The following EPHA6 variants were observed in gnomAD, a reference collection of about 807,000 sequenced individuals.
EPHA6 encodes the protein EPH receptor A6.
A neutral mutation model predicts 112.0 loss-of-function variants in EPHA6; 50 were observed. The ratio of observed to expected loss-of-function variants is 0.45; its 90% confidence interval spans 0.36 to 0.56. EPHA6 has a LOEUF of 0.56. EPHA6 is among the 20% of genes least tolerant of loss of function. The pLI, the probability that EPHA6 is intolerant of heterozygous loss-of-function variation, is 0.00. For synonymous variants in EPHA6, 529 were observed against 490.7 expected (o/e 1.08, Z -1.03); for missense variants, 1,280 against 1,417.4 (o/e 0.90, Z 1.56).
chr3:97,288,351 C>A (rs891817248), intron 5 of EPHA6, among the ~76,000 whole-genome samples: 7 of 152,192 alleles, frequency 4.6e-5, no homozygotes, highest in African/African-American at 1.7e-4. Flanking sequence ...ATTTTCCTTT[C>A]CTGTGTAAAT....
At chr3:97,152,999 C>T (rs574275214) in intron 3 of EPHA6, among the ~76,000 whole-genome samples, 28 of 152,194 alleles carry the variant, frequency 1.8e-4, no homozygotes, top group African/African-American at 6.7e-4. Flanking sequence ...ATCTAATAAT[C>T]ATTCTGAGAA....
At chr3:97,383,049 A>G (rs1182950385) in intron 5 of EPHA6, among the ~76,000 whole-genome samples, 5 of 152,028 alleles carry the variant, frequency 3.3e-5, no homozygotes, top group Non-Finnish European at 5.9e-5. Flanking sequence ...TTTTGAAGTC[A>G]TAGGATACCA....
At chr3:96,889,823 G>A (rs1439398140) in intron 2 of EPHA6, among the ~76,000 whole-genome samples, 1 of 152,128 alleles carries the variant, frequency 6.6e-6, no homozygotes, top group Non-Finnish European at 1.5e-5. Flanking sequence ...TATTGGTGCA[G>A]GGATAGACAA....
intron 3 of EPHA6, among the ~76,000 whole-genome samples, chr3:97,047,609 A>G (rs758068596): frequency 2.2e-4 from 34 of 151,840 alleles, no homozygotes; most frequent in Non-Finnish European, 4.4e-4. Flanking sequence ...GGAAATAGGA[A>G]AACTTTGTAC....
intron 2 of EPHA6, among the ~76,000 whole-genome samples, chr3:96,910,727 C>CT (rs1364352905): frequency 3.3e-5 from 5 of 152,108 alleles, no homozygotes; most frequent in Admixed American, 1.3e-4. Flanking sequence ...GGGAAGAGGG[C>CT]TTTACTCAAC....
At chr3:97,684,190 C>T (rs1314510240) in intron 14 of EPHA6, among the ~76,000 whole-genome samples, 1 of 152,004 alleles carries the variant, frequency 6.6e-6, no homozygotes, top group Non-Finnish European at 1.5e-5. Flanking sequence ...CTTTTTCGTA[C>T]TCAGCACGTT....
chr3:97,065,613 T>A (rs1354651292), intron 3 of EPHA6, among the ~76,000 whole-genome samples: 1 of 152,078 alleles, frequency 6.6e-6, no homozygotes, highest in African/African-American at 2.4e-5. Flanking sequence ...TAGACTCTGA[T>A]AGTATTTGGA....
intron 5 of EPHA6, among the ~76,000 whole-genome samples, chr3:97,254,736 C>T (rs1282933429): frequency 1.3e-5 from 2 of 152,130 alleles, no homozygotes; most frequent in African/African-American, 2.4e-5. Flanking sequence ...TCAAAGATTT[C>T]TAAGAAATAT....
chr3:97,688,279 G>C (rs2032399809), intron 14 of EPHA6, among the ~76,000 whole-genome samples: 2 of 152,056 alleles, frequency 1.3e-5, no homozygotes. Flanking sequence ...ACTTCTGCTA[G>C]TCTTTCATGC....
chr3:97,612,341 T>C (rs893601050), intron 13 of EPHA6: 1 of 393,112 alleles, frequency 2.5e-6, no homozygotes, highest in East Asian at 7.2e-5. Flanking sequence ...GTTAGGTTGG[T>C]TTTCTTTTTA....
At chr3:97,273,402 A>C (rs1000716349) in intron 5 of EPHA6, among the ~76,000 whole-genome samples, 5 of 152,306 alleles carry the variant, frequency 3.3e-5, no homozygotes, top group South Asian at 4.1e-4. Flanking sequence ...GTGTATGACT[A>C]GACAGAAGAT....
intron 14 of EPHA6, among the ~76,000 whole-genome samples, chr3:97,699,227 C>T (rs1371781555): frequency 6.6e-6 from 1 of 152,050 alleles, no homozygotes; most frequent in Non-Finnish European, 1.5e-5. Flanking sequence ...TGATGCAGCC[C>T]CTCTTGGTGA....
intron 1 of EPHA6, among the ~76,000 whole-genome samples, chr3:96,831,234 T>A (rs1310172660): frequency 6.6e-6 from 1 of 152,126 alleles, no homozygotes; most frequent in Admixed American, 6.6e-5. Flanking sequence ...CACCTGTTTA[T>A]TAATTTGTCC....
intron 11 of EPHA6, among the ~76,000 whole-genome samples, chr3:97,577,827 T>C (rs1219909025): frequency 6.6e-6 from 1 of 152,186 alleles, no homozygotes; most frequent in Non-Finnish European, 1.5e-5. Context: ...CTTGGTTTTT[T>C]TTGTAGTGGA....
At chr3:97,627,604 A>G (rs1433846594) in intron 13 of EPHA6, among the ~76,000 whole-genome samples, 1 of 151,886 alleles carries the variant, frequency 6.6e-6, no homozygotes, top group Non-Finnish European at 1.5e-5. Context: ...ACAATGCCAA[A>G]TTATGCATGT....
At chr3:97,419,244 G>A (rs976535594) in intron 6 of EPHA6, among the ~76,000 whole-genome samples, 4 of 151,046 alleles carry the variant, frequency 2.6e-5, no homozygotes, top group Non-Finnish European at 4.4e-5. Flanking sequence ...TGGAAGTTGC[G>A]GTGAGCCGAG....
chr3:97,564,845 G>A (rs1244597190), intron 11 of EPHA6, among the ~76,000 whole-genome samples: 1 of 152,140 alleles, frequency 6.6e-6, no homozygotes, highest in Non-Finnish European at 1.5e-5. Context: ...TACATAATCA[G>A]AGGTCGTAAG....
At chr3:96,897,153 C>T (rs985355548) in intron 2 of EPHA6, among the ~76,000 whole-genome samples, 1 of 151,652 alleles carries the variant, frequency 6.6e-6, no homozygotes, top group African/African-American at 2.4e-5. Flanking sequence ...GTATTTTATA[C>T]TACTTTTCAG....
At position 97,001,016 on chromosome 3, in the gene EPHA6, T is replaced by TTATATATATATATATATATATATATA. The variant is rs1334953124; in HGVS notation, c.1114+13023_1114+13024insTATATATATATATATATATATATATA. On this transcript the variant is annotated intron_variant, in intron 3 of 17. Transcript: ENST00000389672. ...TAAACTCTCCAGCCCAGTCAGAAAT[T>TTATATATATATATATATATATATATA]GATATATATATATATGCATGTGTGT... Among the ~76,000 whole-genome samples the TTATATATATATATATATATATATATA allele has an allele frequency of 7.7e-4, 64 of 83,262 alleles. 2 individuals are homozygous for TTATATATATATATATATATATATATA. Among genetic ancestry groups the TTATATATATATATATATATATATATA allele is most frequent in the African/African-American group, 3.5e-3 (45 of 13,002 alleles). The allele number at this position is 83,262 out of a possible 152,430, so 54.6% of individuals were successfully genotyped here. A position where few individuals can be genotyped will look rare whatever the true frequency, so the allele number is the denominator to read the frequency against.
Sources: allele counts gnomAD v4.1 joint callset (sites outside exome capture counted in the v4.1 genomes callset), GRCh38; gene constraint gnomAD v4.1.1; transcripts MANE v1.5; gene names NCBI Gene and HGNC (gene_info 2026-07-23, HGNC 2026-07-21).